Variants in SLC4A8 observed in about 807,000 individuals in gnomAD.
The protein encoded by SLC4A8 is electroneutral sodium bicarbonate exchanger 1.
In SLC4A8, 40 loss-of-function variants were observed where a neutral mutation model predicts 125.0. The ratio of observed to expected loss-of-function variants is 0.32; its 90% confidence interval spans 0.25 to 0.42. SLC4A8 has a LOEUF of 0.42. Among genes scored for constraint, SLC4A8 ranks in the 10% least tolerant of loss-of-function variants. The pLI, the probability that SLC4A8 is intolerant of heterozygous loss-of-function variation, is 1.00. For missense variants in SLC4A8, 863 were observed against 1,355.1 expected, an observed-to-expected ratio of 0.64 and a Z score of 5.70; for synonymous variants, 456 against 476.0, an observed-to-expected ratio of 0.96 and a Z score of 0.55.
At chr12:51,400,717 T>C (rs1948355799) in intron 1 of SLC4A8, among the ~76,000 whole-genome samples, 1 of 107,274 alleles carries the variant, frequency 9.3e-6, no homozygotes, top group Admixed American at 1.0e-4. Context: ...GGAGTGTGAA[T>C]GAACTCCTTT....
In SLC4A8 at chr12:51,471,541, G is replaced by C; in HGVS notation, c.1904+9G>C. ...CACCTTAGCCTCTATTAGTAAGTGT[G>C]CTTTCTGCTTATTTTTAAAAATTGA... On this transcript the variant is annotated intron_variant, in intron 14 of 24. Transcript: ENST00000453097. 2.5e-6 allele frequency: 4 copies of C among 1,608,892 alleles called. No individual in the cohort carries two copies. Among genetic ancestry groups the C allele is most frequent in the Non-Finnish European group, 3.4e-6 (4 of 1,177,092 alleles).
At chr12:51,453,751 G>A (rs774527128) in intron 5 of SLC4A8, 52 bp downstream of exon 5, 1 of 1,560,654 alleles carries the variant, frequency 6.4e-7, no homozygotes, top group South Asian at 1.1e-5. Flanking sequence ...TTTAAGAAGT[G>A]TGGGAAAAAA....
intron 2 of SLC4A8, among the ~76,000 whole-genome samples, chr12:51,441,515 C>T (rs900632644): frequency 2.6e-5 from 4 of 152,116 alleles, no homozygotes; most frequent in Non-Finnish European, 5.9e-5. Context: ...GAGTTGGACC[C>T]ACACCTGGCC....
At chr12:51,419,795 C>A (rs1008231906) in intron 1 of SLC4A8, among the ~76,000 whole-genome samples, 1 of 152,220 alleles carries the variant, frequency 6.6e-6, no homozygotes, top group Non-Finnish European at 1.5e-5. Flanking sequence ...TGCCCCAGAG[C>A]CTCTCTCAGT....
chr12:51,497,131 G>A lies in SLC4A8; in HGVS notation c.3081+7G>A. 6.2e-7 allele frequency: 1 copy of A among 1,606,952 alleles called. No homozygotes were observed. The highest frequency in any genetic ancestry group is 8.5e-7 in the Non-Finnish European group (1 of 1,178,194). ...GAAGGCCAAGGAGGAAGAGGTCATA[G>A]TCCTTGCACCAACTGTATACCTGGG... On this transcript the variant is annotated splice_region_variant and intron_variant, in intron 22 of 24. Transcript: ENST00000453097.
At chr12:51,411,118 T>C (rs571109990) in intron 1 of SLC4A8, among the ~76,000 whole-genome samples, 12 of 151,568 alleles carry the variant, frequency 7.9e-5, no homozygotes, top group Non-Finnish European at 1.8e-4. Context: ...GTTGAGCAAT[T>C]TTTTTTTATC....
At chr12:51,442,892 A>G (rs1949647083) in intron 2 of SLC4A8, among the ~76,000 whole-genome samples, 1 of 152,182 alleles carries the variant, frequency 6.6e-6, no homozygotes. Flanking sequence ...TCTTGAAGGC[A>G]TAGAATAAAA....
At chr12:51,437,094 T>C (rs1949446086) in intron 1 of SLC4A8, among the ~76,000 whole-genome samples, 1 of 152,246 alleles carries the variant, frequency 6.6e-6, no homozygotes, top group South Asian at 2.1e-4. Flanking sequence ...ATAAAGCTAA[T>C]TTAATACATA....
intron 18 of SLC4A8, 93 bp from the exon 19 acceptor site, chr12:51,489,607 C>G (rs1341805800): frequency 6.6e-7 from 1 of 1,523,390 alleles, no homozygotes; most frequent in African/African-American, 1.4e-5. Context: ...CCATACACCC[C>G]TTCATGCTTT....
chr12:51,491,740 GACAC>G (rs35694156), intron 19 of SLC4A8, among the ~76,000 whole-genome samples: 20 of 146,026 alleles, frequency 1.4e-4, no homozygotes, highest in Middle Eastern at 3.6e-3. Context: ...GGGATGGGCA[GACAC>G]ACACACACAC....
chr12:51,505,784 A>G (rs758087680), intron 23 of SLC4A8, 51 bp from the exon 24 acceptor site: 4 of 808,400 alleles, frequency 4.9e-6, no homozygotes, highest in Admixed American at 2.1e-5. Context: ...AGACTGTGGT[A>G]TGTATTTTAC....
chr12:51,424,902 G>C lies in SLC4A8; in HGVS notation c.-86G>C. ...GGCTCCGGGGTGGGGGTCGCCGTTC[G>C]AGTGATCTGCTCAGACCCGACCAGA... On this transcript the variant is annotated 5_prime_UTR_variant, in exon 1 of 25. Transcript: ENST00000453097. The C allele has an allele frequency of 7.1e-7, 1 of 1,415,370 alleles. No individual in the cohort carries two copies. 87.7% of individuals were successfully genotyped at this position (1,415,370 alleles called of 1,614,324 possible).
At chr12:51,433,887 T>TTTTTTTTG (rs1949306372) in intron 1 of SLC4A8, among the ~76,000 whole-genome samples, 1 of 127,596 alleles carries the variant, frequency 7.8e-6, no homozygotes, top group Non-Finnish European at 1.7e-5. Context: ...TTGGTTGGTT[T>TTTTTTTTG]TTTTTTGAGA....
chr12:51,502,745 A>T (rs181513518), intron 22 of SLC4A8, among the ~76,000 whole-genome samples: 4 of 149,896 alleles, frequency 2.7e-5, no homozygotes, highest in Admixed American at 1.3e-4. Flanking sequence ...ATCTCGGCCG[A>T]CTGCAACCTC....
At chr12:51,472,490 C>T (rs1035771143) in intron 14 of SLC4A8, among the ~76,000 whole-genome samples, 3 of 152,198 alleles carry the variant, frequency 2.0e-5, no homozygotes, top group Non-Finnish European at 2.9e-5. Context: ...GTATCATCTT[C>T]AAAGCCTAGT....
chr12:51,462,193 G>T lies in SLC4A8; in HGVS notation c.1102-117G>T, dbSNP rs1950348095. 8.4e-6 allele frequency: 8 copies of T among 949,410 alleles called. No individual in the cohort carries two copies. The East Asian group carries it at 1.7e-4, about 20-fold the overall frequency. The allele number at this position is 949,410 out of a possible 1,614,324, so 58.8% of individuals were successfully genotyped here. A position where few individuals can be genotyped will look rare whatever the true frequency, so the allele number is the denominator to read the frequency against. ...AAGTGCTAAAGTTTTCTGCATCTCA[G>T]ATCCCCGTGACAGAGATAAAAATCA... On this transcript the variant is annotated intron_variant, in intron 9 of 24. Coordinates refer to ENST00000453097, the MANE Select transcript of SLC4A8 (RefSeq NM_001039960.3).
At chr12:51,484,449 G>A (rs1229825179) in intron 16 of SLC4A8, among the ~76,000 whole-genome samples, 2 of 152,208 alleles carry the variant, frequency 1.3e-5, no homozygotes, top group East Asian at 3.9e-4. Context: ...TAGGAGTTCA[G>A]AGGAGAAAAG....
chr12:51,479,117 G>T lies in SLC4A8; in HGVS notation c.2172+3911G>T, dbSNP rs529005056. ...ATTTTATTCAATTTGGGAACAGATG[G>T]GATTGGCAGGAGGGGAGCTCATGGT... is the stretch of plus-strand genomic sequence containing the variant. On this transcript the variant is annotated intron_variant, in intron 16 of 24. Transcript: ENST00000453097. 5.9e-5 allele frequency among the ~76,000 whole-genome samples: 9 copies of T among 152,280 alleles called. 1 individual carries two copies. Among genetic ancestry groups the T allele is most frequent in the African/African-American group, 2.2e-4 (9 of 41,554 alleles).
chr12:51,442,254 A>G (rs546041994), intron 2 of SLC4A8, among the ~76,000 whole-genome samples: 22 of 152,244 alleles, frequency 1.4e-4, no homozygotes, highest in Non-Finnish European at 2.6e-4. Flanking sequence ...TGCTCCATCA[A>G]ATAAAATTTT....
Sources: allele counts gnomAD v4.1 joint callset (sites outside exome capture counted in the v4.1 genomes callset), GRCh38; gene constraint gnomAD v4.1.1; transcripts MANE v1.5; gene names NCBI Gene and HGNC (gene_info 2026-07-23, HGNC 2026-07-21).